The following TENM3 variants were observed in gnomAD, a reference collection of about 807,000 sequenced individuals.
The protein encoded by TENM3 is teneurin transmembrane protein 3.
In TENM3, 63 loss-of-function variants were observed where a neutral mutation model predicts 255.1. The observed-to-expected ratio is 0.25, with a 90% CI of 0.20 to 0.30. The LOEUF (loss-of-function observed/expected upper bound fraction) is 0.30, where lower values mean the gene tolerates loss of function less well. TENM3 is among the 10% of genes least tolerant of loss of function. The pLI is 1.00. For missense variants in TENM3, 2,929 were observed against 3,461.1 expected (o/e 0.85, Z 3.86); for synonymous variants, 1,306 against 1,322.3 (o/e 0.99, Z 0.27).
the TENM3 span, among the ~76,000 whole-genome samples, chr4:181,814,322 C>A: frequency 6.6e-6 from 1 of 152,036 alleles, no homozygotes; most frequent in African/African-American, 2.4e-5. Context: ...AGTTTACAAA[C>A]AAAAAATAGT....
chr4:182,780,209 A>G (rs568020004), intron 24 of TENM3, among the ~76,000 whole-genome samples: 1 of 151,180 alleles, frequency 6.6e-6, no homozygotes, highest in African/African-American at 2.4e-5. Flanking sequence ...TAAGTCTTTA[A>G]TCCATCTTGA....
the TENM3 span, among the ~76,000 whole-genome samples, chr4:181,799,718 GATA>G: frequency 0.43 from 65,127 of 151,816 alleles, 14,527 homozygotes; most frequent in Non-Finnish European, 0.49. Flanking sequence ...AAATGCCTGG[GATA>G]ATAATAGATG....
the TENM3 span, among the ~76,000 whole-genome samples, chr4:181,548,947 A>G: frequency 1.3e-5 from 2 of 152,204 alleles, no homozygotes; most frequent in Non-Finnish European, 2.9e-5. Flanking sequence ...ACAGAAGGTA[A>G]CTGGAGCCCA....
intron 1 of TENM3, among the ~76,000 whole-genome samples, chr4:182,261,098 T>C (rs943037802): frequency 2.7e-5 from 4 of 149,824 alleles, no homozygotes; most frequent in African/African-American, 9.7e-5. Context: ...ATGGTCTCAA[T>C]CTCTTGACCT....
At chr4:181,466,158 C>T in the TENM3 span, among the ~76,000 whole-genome samples, 1 of 142,958 alleles carries the variant, frequency 7.0e-6, no homozygotes, top group Non-Finnish European at 1.5e-5. Flanking sequence ...TCTCTTGTCC[C>T]CCAGGCTAGA....
chr4:181,923,640 A>T, the TENM3 span, among the ~76,000 whole-genome samples: 2 of 152,186 alleles, frequency 1.3e-5, no homozygotes, highest in African/African-American at 4.8e-5. Flanking sequence ...CTACCATTTC[A>T]TTAAGGGCAC....
At chr4:181,594,640 G>C in the TENM3 span, among the ~76,000 whole-genome samples, 2 of 152,124 alleles carry the variant, frequency 1.3e-5, no homozygotes, top group East Asian at 3.9e-4. Flanking sequence ...AGCCTCAACG[G>C]GTTCCATGGT....
the TENM3 span, among the ~76,000 whole-genome samples, chr4:181,680,101 T>C: frequency 6.6e-6 from 1 of 152,240 alleles, no homozygotes; most frequent in African/African-American, 2.4e-5. Flanking sequence ...GTAAACATTT[T>C]ATTTTGTATT....
the TENM3 span, among the ~76,000 whole-genome samples, chr4:181,902,468 C>T: frequency 0.036 from 5,545 of 152,228 alleles, 97 homozygotes; most frequent in Non-Finnish European, 0.041. Context: ...AAGACACATG[C>T]ACGCGTATGT....
At chr4:182,641,683 C>T (rs1052466656) in intron 5 of TENM3, among the ~76,000 whole-genome samples, 6 of 152,094 alleles carry the variant, frequency 3.9e-5, no homozygotes, top group Non-Finnish European at 5.9e-5. Flanking sequence ...GTGCTCCACA[C>T]GCCTGGCTAA....
chr4:182,218,319 G>A (rs1049138427), intron 1 of TENM3, among the ~76,000 whole-genome samples: 4 of 152,134 alleles, frequency 2.6e-5, no homozygotes, highest in Admixed American at 1.3e-4. Context: ...GGTGAATCCC[G>A]TAATCTTCTA....
At chr4:181,576,604 C>A in the TENM3 span, among the ~76,000 whole-genome samples, 11 of 152,034 alleles carry the variant, frequency 7.2e-5, no homozygotes, top group Non-Finnish European at 1.3e-4. Flanking sequence ...ATGGTCCCCC[C>A]ACACATTCTT....
At chr4:181,975,641 G>C in the TENM3 span, 1 of 152,370 alleles carries the variant, frequency 6.6e-6, no homozygotes, top group Non-Finnish European at 1.5e-5. Context: ...ACAAGCAGGG[G>C]GACTGGTTAG....
At chr4:182,614,576 G>T (rs1471687438) in intron 4 of TENM3, among the ~76,000 whole-genome samples, 1 of 151,782 alleles carries the variant, frequency 6.6e-6, no homozygotes, top group African/African-American at 2.4e-5. Flanking sequence ...AATCCCATTT[G>T]CTCATTTTTA....
intron 1 of TENM3, among the ~76,000 whole-genome samples, chr4:182,176,821 A>AATTTTTT (rs1561169609): frequency 8.8e-6 from 1 of 113,358 alleles, no homozygotes. Flanking sequence ...CATCCGGCTA[A>AATTTTTT]TTTTTTTTTT....
the TENM3 span, among the ~76,000 whole-genome samples, chr4:181,749,707 T>C: frequency 2.0e-5 from 3 of 152,178 alleles, no homozygotes; most frequent in African/African-American, 7.2e-5. Context: ...GCTTCTTTTG[T>C]GAATATTGCA....
intron 3 of TENM3, among the ~76,000 whole-genome samples, chr4:182,584,274 G>A (rs1745790148): frequency 6.6e-6 from 1 of 152,176 alleles, no homozygotes; most frequent in Non-Finnish European, 1.5e-5. Flanking sequence ...TTGCTGATGG[G>A]AACTATGACA....
intron 3 of TENM3, among the ~76,000 whole-genome samples, chr4:182,466,582 T>C (rs1732615608): frequency 6.6e-6 from 1 of 152,136 alleles, no homozygotes; most frequent in African/African-American, 2.4e-5. Flanking sequence ...TCCTCCTGCC[T>C]TGGCCTCCCA....
the TENM3 span, among the ~76,000 whole-genome samples, chr4:181,502,523 C>G: frequency 2.0e-5 from 3 of 152,166 alleles, no homozygotes; most frequent in Non-Finnish European, 2.9e-5. Context: ...AACCTGAGAA[C>G]AGAACTAGTG....
Sources: allele counts gnomAD v4.1 joint callset (sites outside exome capture counted in the v4.1 genomes callset), GRCh38; gene constraint gnomAD v4.1.1; transcripts MANE v1.5; gene names NCBI Gene and HGNC (gene_info 2026-07-23, HGNC 2026-07-21).